Variants in CCDC159 observed in about 807,000 individuals in gnomAD.
CCDC159 encodes coiled-coil domain-containing protein 159.
A neutral mutation model predicts 50.9 loss-of-function variants in CCDC159; 40 were observed. The ratio of observed to expected loss-of-function variants is 0.79; its 90% CI spans 0.61 to 1.02. CCDC159 has a LOEUF of 1.02. Among genes scored for constraint, CCDC159 ranks in the 50% least tolerant of loss-of-function variants. CCDC159 has a pLI of 0.00. For missense variants in CCDC159, 356 were observed against 371.5 expected, an observed-to-expected ratio of 0.96 and a Z score of 0.34; for synonymous variants, 146 against 138.9, an observed-to-expected ratio of 1.05 and a Z score of -0.36.
At chr19:11,349,727 C>A in intron 2 of CCDC159, 40 bp downstream of exon 2, 1 of 1,499,356 alleles carries the variant, frequency 6.7e-7, no homozygotes, top group Non-Finnish European at 9.3e-7. Context: ...GTGGGGAAGA[C>A]CTGCTGGTTT....
In CCDC159 at chr19:11,349,542, C is replaced by T. The variant is rs757824584; in HGVS notation, c.22-112C>T. 6.5e-6 allele frequency: 9 copies of T among 1,394,806 alleles called. No individual in the cohort carries two copies. In the East Asian group the frequency reaches 1.5e-4, roughly 22 times the overall value. 86.4% of individuals were successfully genotyped at this position (1,394,806 alleles called of 1,614,324 possible). A position where few individuals can be genotyped will look rare whatever the true frequency, so the allele number is the denominator to read the frequency against. ...CTTTGCCTGCACTTACGGTTTGGGA[C>T]ACCTAGAACTGAGGAGATCCAACTC... On this transcript the variant is annotated intron_variant, in intron 1 of 10. Transcript: ENST00000458408.
rs760739156 is a variant in CCDC159, at chr19:11,353,468, G to A, written c.585G>A (p.Lys195=). ...VKCRKILTKM[K]QQGHETAACP... Reference sequence around the variant, plus strand: ...CACCCCAGATCCTGACCAAGATGAAGCAGCAGGGTCATGAGACAGCCGCCT... The same window carrying A: ...CACCCCAGATCCTGACCAAGATGAAACAGCAGGGTCATGAGACAGCCGCCT... Residue 195 remains lysine (K), a synonymous_variant, in exon 8 of 11, where the codon AAG becomes AAA. Transcript: ENST00000458408. The A allele has an allele frequency of 6.3e-7, 1 of 1,585,664 alleles. No homozygotes were observed. The highest frequency in any genetic ancestry group is 8.6e-7 in the Non-Finnish European group (1 of 1,166,226).
In CCDC159 at chr19:11,353,501, G is replaced by A. The variant is rs780741374; in HGVS notation, c.618G>A (p.Glu206=). 1.2e-6 allele frequency: 2 copies of A among 1,611,222 alleles called. No individual in the cohort carries two copies. Among genetic ancestry groups the A allele is most frequent in the African/African-American group, 2.7e-5 (2 of 74,844 alleles). ...GTCATGAGACAGCCGCCTGTCCGGA[G>A]ACTGAAGAGATACCGCAGGGAGCCA... ...QQGHETAACP[E]TEEIPQGASG... Residue 206 remains glutamate, a synonymous_variant, in exon 8 of 11, where the codon GAG becomes GAA. Coordinates refer to ENST00000458408, the MANE Select transcript of CCDC159 (RefSeq NM_001080503.3).
At position 11,349,972 on chromosome 19, in the gene CCDC159, G is replaced by C. The variant is rs769142689; in HGVS notation, c.90G>C (p.Lys30Asn). Residue 30 changes from lysine to asparagine, a missense_variant, in exon 3 of 11, where the codon AAG (lysine) becomes AAC (asparagine). Lys to Asn is a moderately conservative substitution (Grantham distance 94). Coordinates refer to ENST00000458408, the MANE Select transcript of CCDC159 (RefSeq NM_001080503.3). Reference sequence around the variant, plus strand: ...TTGTGATGATTCCCGACTCCCAGAAGCTCCTGCGATGTGAACTTGAGTCAC... The same window carrying C: ...TTGTGATGATTCCCGACTCCCAGAACCTCCTGCGATGTGAACTTGAGTCAC... ...KTIVMIPDSQ[K>N]LLRCELESLK... The C allele has an allele frequency of 2.5e-6, 4 of 1,613,802 alleles. No homozygotes were observed. Among genetic ancestry groups the C allele is most frequent in the Non-Finnish European group, 3.4e-6 (4 of 1,179,846 alleles).
chr19:11,346,776 G>T, intron 1 of CCDC159, 149 bp downstream of exon 1: 1 of 878,512 alleles, frequency 1.1e-6, no homozygotes, highest in African/African-American at 1.7e-5. Context: ...GGAGAGAGGA[G>T]GCACTACTGG....
At chr19:11,354,491 G>A (rs1967771103) in intron 9 of CCDC159, 89 bp from the exon 10 acceptor site, 2 of 1,190,966 alleles carry the variant, frequency 1.7e-6, no homozygotes, top group Admixed American at 5.6e-5. Flanking sequence ...CATGGTTTAA[G>A]TATCAATGAG....
intron 2 of CCDC159, 66 bp downstream of exon 2, chr19:11,349,753 G>GC: frequency 7.4e-7 from 1 of 1,358,232 alleles, no homozygotes; most frequent in Non-Finnish European, 1.0e-6. Context: ...TCTACCCTCT[G>GC]CCCCAGCATC....
rs1967540388 is a variant in CCDC159 at position 11,350,994 on chromosome 19, T to C, written c.413T>C (p.Ile138Thr). ...TGCCTGCAGCTGCTGGCCCAGGAGA[T>C]CCGGGACAGGTCGGGGATGGCGGGA... ...TRCLQLLAQE[I>T]RDSKKFLWEE... Residue 138 changes from isoleucine to threonine, a missense_variant, in exon 5 of 11, where the codon ATC becomes ACC. Physicochemically the swap from Ile to Thr is moderately conservative, Grantham distance 89. Transcript: ENST00000458408. The C allele has an allele frequency of 6.5e-7, 1 of 1,548,196 alleles. No individual in the cohort carries two copies. The highest frequency in any genetic ancestry group is 8.7e-7 in the Non-Finnish European group (1 of 1,145,804).
chr19:11,349,630 T>G (rs373282361), intron 1 of CCDC159, 24 bp from the exon 2 acceptor site: 2 of 1,612,574 alleles, frequency 1.2e-6, no homozygotes, highest in Non-Finnish European at 1.7e-6. Context: ...AAATTTCTAC[T>G]CCCATCTCAT....
intron 1 of CCDC159, 52 bp downstream of exon 1, chr19:11,346,679 A>G (rs1967250765): frequency 6.5e-7 from 1 of 1,538,926 alleles, no homozygotes; most frequent in Non-Finnish European, 8.8e-7. Flanking sequence ...TTCACAACCC[A>G]GGGGGCGGAG....
Position 11,346,528 on chromosome 19 carries a change from T to G in CCDC159, c.-79T>G, listed in dbSNP as rs571729939. 4.5e-4 allele frequency: 678 copies of G among 1,509,900 alleles called. 4 individuals are homozygous for G. Among genetic ancestry groups the G allele is most frequent in the Non-Finnish European group, 2.9e-4 (321 of 1,109,278 alleles). 93.5% of individuals were successfully genotyped at this position (1,509,900 alleles called of 1,614,324 possible). The stretch of plus-strand genomic sequence containing the variant: ...CCACACCCCTCTCTGTGACTCAGTC[T>G]CTGAGCGTTTTAATACGATGGTGTC... On this transcript the variant is annotated 5_prime_UTR_variant, in exon 1 of 11. Coordinates refer to ENST00000458408, the MANE Select transcript of CCDC159 (RefSeq NM_001080503.3).
At chr19:11,354,518 C>A in intron 9 of CCDC159, 62 bp from the exon 10 acceptor site, 1 of 1,446,014 alleles carries the variant, frequency 6.9e-7, no homozygotes, top group South Asian at 1.3e-5. Flanking sequence ...TATGAAGGGA[C>A]ACAGGGCCTA....
chr19:11,346,727 C>T, intron 1 of CCDC159, 100 bp downstream of exon 1: 1 of 1,374,360 alleles, frequency 7.3e-7, no homozygotes, highest in Non-Finnish European at 1.0e-6. Flanking sequence ...AAATAATTCT[C>T]CCGGGAGGGA....
chr19:11,348,637 A>G, intron 1 of CCDC159: 2 of 430,350 alleles, frequency 4.6e-6, no homozygotes, highest in South Asian at 3.3e-5. Flanking sequence ...TCCTACCATA[A>G]CTGAGAAGCC....
At chr19:11,350,251 C>G in intron 4 of CCDC159, 52 bp downstream of exon 4, 17 of 1,504,868 alleles carry the variant, frequency 1.1e-5, no homozygotes, top group Non-Finnish European at 1.3e-5. Context: ...TGGTGGCTCA[C>G]GCCTGTAATC....
intron 5 of CCDC159, chr19:11,351,270 C>T: frequency 2.6e-6 from 1 of 388,560 alleles, no homozygotes; most frequent in Non-Finnish European, 4.7e-6. Flanking sequence ...AACCCCATCT[C>T]TACTAAAAAT....
At chr19:11,351,151 A>C in intron 5 of CCDC159, 148 bp downstream of exon 5, 6 of 831,744 alleles carry the variant, frequency 7.2e-6, no homozygotes, top group Non-Finnish European at 9.0e-6. Flanking sequence ...AGAAGAGGGA[A>C]TGAGGCCGGG....
Position 11,346,541 on chromosome 19 carries a change from A to T in CCDC159, c.-66A>T, listed in dbSNP as rs1394498089. The T allele has an allele frequency of 6.5e-7, 1 of 1,537,604 alleles. No homozygotes were observed. The highest frequency in any genetic ancestry group is 1.4e-5 in the African/African-American group (1 of 72,876). The stretch of plus-strand genomic sequence containing the variant: ...TGTGACTCAGTCTCTGAGCGTTTTA[A>T]TACGATGGTGTCCCCGCGGGATCAA... On this transcript the variant is annotated 5_prime_UTR_variant, in exon 1 of 11. Transcript: ENST00000458408.
intron 1 of CCDC159, chr19:11,348,108 G>A (rs1363347542): frequency 2.2e-6 from 1 of 456,376 alleles, no homozygotes; most frequent in Non-Finnish European, 4.4e-6. Context: ...TAGAGCATGT[G>A]ATTCCACACC....
Sources: gnomAD v4.1 joint callset for allele counts on GRCh38, gnomAD v4.1.1 for gene constraint, MANE v1.5 for transcripts, NCBI Gene and HGNC (gene_info 2026-07-23, HGNC 2026-07-21) for gene names.